KIF6: variants seen among roughly 807,000 people sequenced by gnomAD.
KIF6 encodes kinesin-like protein KIF6.
KIF6 carries 106 observed loss-of-function variants against 112.7 expected under a neutral mutation model. The observed-to-expected ratio is 0.94, with a 90% CI of 0.80 to 1.11. KIF6 has a LOEUF of 1.11. KIF6 is among the 50% of genes least tolerant of loss of function. KIF6 has a pLI of 0.00. For synonymous variants in KIF6, 339 were observed against 339.9 expected (o/e 1.00, Z 0.03); for missense variants, 929 against 964.0 (o/e 0.96, Z 0.48).
At chr6:39,453,566 T>TA (rs551272375) in intron 13 of KIF6, among the ~76,000 whole-genome samples, 1 of 152,164 alleles carries the variant, frequency 6.6e-6, no homozygotes, top group South Asian at 2.1e-4. Flanking sequence ...TCGTCCTTCA[T>TA]AAAAAAACAA....
intron 3 of KIF6, among the ~76,000 whole-genome samples, chr6:39,662,098 G>C (rs1786184579): frequency 6.6e-6 from 1 of 152,034 alleles, no homozygotes; most frequent in South Asian, 2.1e-4. Context: ...CATTCTAGTT[G>C]TTTTATTTAA....
intron 3 of KIF6, among the ~76,000 whole-genome samples, chr6:39,654,989 C>G (rs1259706913): frequency 6.6e-6 from 1 of 152,170 alleles, no homozygotes; most frequent in Non-Finnish European, 1.5e-5. Context: ...TACCATTTCT[C>G]TATAGTAGGT....
rs763131119 is a variant in KIF6, at chr6:39,504,346, C to T, written c.1645+35657G>A. On this transcript the variant is annotated intron_variant, in intron 13 of 22. Transcript: ENST00000287152. ...AACTCTCAATAAACTATGTATTGAACCTCAAAATAATAAGAGCCATATATG... is the reference window on the plus strand; with the variant it reads ...AACTCTCAATAAACTATGTATTGAATCTCAAAATAATAAGAGCCATATATG... Among the ~76,000 whole-genome samples the T allele has an allele frequency of 9.9e-4, 148 of 149,662 alleles. 4 individuals carry two copies. The highest frequency in any genetic ancestry group is 3.8e-3 in the Admixed American group (57 of 15,052).
intron 15 of KIF6, among the ~76,000 whole-genome samples, chr6:39,387,670 C>T (rs1049333806): frequency 4.6e-5 from 7 of 152,170 alleles, no homozygotes; most frequent in African/African-American, 1.7e-4. Flanking sequence ...GAGCCAGCCA[C>T]AGCCCCAAAT....
rs529718724 is a variant in KIF6 at position 39,657,081 on chromosome 6, A to G, written c.252-17324T>C. On this transcript the variant is annotated intron_variant, in intron 3 of 22. Coordinates refer to ENST00000287152, the MANE Select transcript of KIF6 (RefSeq NM_145027.6). ...CCCCGTCTCTACTAAAAATACAAAA[A>G]AATTTGCCAGGCCTGGTGGTGCGTG... is the stretch of plus-strand genomic sequence containing the variant. 1.1e-4 allele frequency among the ~76,000 whole-genome samples: 17 copies of G among 151,924 alleles called. No homozygotes were observed. In the East Asian group the frequency reaches 2.9e-3, roughly 26 times the overall value.
chr6:39,426,449 T>A (rs1483179684), intron 14 of KIF6, among the ~76,000 whole-genome samples: 2 of 152,134 alleles, frequency 1.3e-5, no homozygotes, highest in African/African-American at 4.8e-5. Flanking sequence ...AAGAAAAACC[T>A]TTCTATTAAG....
intron 13 of KIF6, among the ~76,000 whole-genome samples, chr6:39,500,444 T>C (rs147317691): frequency 2.0e-5 from 3 of 152,292 alleles, no homozygotes; most frequent in Non-Finnish European, 4.4e-5. Flanking sequence ...ACTGCAGATA[T>C]CACTCATTGA....
rs955089569 is a variant in KIF6 at position 39,333,041 on chromosome 6, T to C, written c.*3491A>G. Reference sequence around the variant, plus strand: ...ATCAATCATACCCTATATTGCTTGTTATCCAATGGCTGAAAACCATTGGTT... The same window carrying C: ...ATCAATCATACCCTATATTGCTTGTCATCCAATGGCTGAAAACCATTGGTT... On this transcript the variant is annotated 3_prime_UTR_variant, in exon 23 of 23. Transcript: ENST00000287152. The C allele has an allele frequency of 1.3e-5, 2 of 152,278 alleles. No individual in the cohort carries two copies. The highest frequency in any genetic ancestry group is 2.4e-5 in the African/African-American group (1 of 41,482). 9.4% of individuals were successfully genotyped at this position (152,278 alleles called of 1,614,324 possible).
intron 11 of KIF6, among the ~76,000 whole-genome samples, chr6:39,545,096 T>A (rs11754808): frequency 0.23 from 35,664 of 152,130 alleles, 5,149 homozygotes; most frequent in African/African-American, 0.39. Flanking sequence ...AACTTTGTCT[T>A]ATCTATACCT....
chr6:39,498,845 C>T (rs1408125378), intron 13 of KIF6, among the ~76,000 whole-genome samples: 1 of 152,114 alleles, frequency 6.6e-6, no homozygotes, highest in Non-Finnish European at 1.5e-5. Flanking sequence ...AGCGTACTTA[C>T]TGAAAGTGAA....
intron 7 of KIF6, among the ~76,000 whole-genome samples, chr6:39,593,849 C>T (rs772716154): frequency 8.5e-5 from 13 of 152,178 alleles, no homozygotes; most frequent in Non-Finnish European, 1.6e-4. Flanking sequence ...GTCAGATACC[C>T]TGCTACAAGC....
chr6:39,568,901 T>C (rs1780481648), intron 10 of KIF6, among the ~76,000 whole-genome samples: 1 of 152,174 alleles, frequency 6.6e-6, no homozygotes, highest in Non-Finnish European at 1.5e-5. Flanking sequence ...AGTTCAGTCA[T>C]GTTTCAAACA....
At chr6:39,602,911 A>C (rs1782655405) in intron 6 of KIF6, among the ~76,000 whole-genome samples, 1 of 152,174 alleles carries the variant, frequency 6.6e-6, no homozygotes, top group South Asian at 2.1e-4. Flanking sequence ...AACTATCCCC[A>C]ATTGGCATTA....
intron 13 of KIF6, among the ~76,000 whole-genome samples, chr6:39,472,812 T>C (rs2150442626): frequency 6.6e-6 from 1 of 152,134 alleles, no homozygotes. Context: ...TTGATGCAAC[T>C]ACAGTGTTAA....
At chr6:39,442,890 G>A (rs989693011) in intron 13 of KIF6, among the ~76,000 whole-genome samples, 2 of 151,978 alleles carry the variant, frequency 1.3e-5, no homozygotes, top group African/African-American at 4.8e-5. Flanking sequence ...GAGGTGGGCG[G>A]ATCATGAGGT....
At chr6:39,698,534 A>C (rs141443736) in intron 3 of KIF6, among the ~76,000 whole-genome samples, 36 of 152,338 alleles carry the variant, frequency 2.4e-4, no homozygotes, top group African/African-American at 8.7e-4. Context: ...CCATAGATGA[A>C]GAATATTTTA....
intron 13 of KIF6, among the ~76,000 whole-genome samples, chr6:39,458,219 AC>A (rs1310374798): frequency 8.1e-5 from 12 of 149,002 alleles, no homozygotes; most frequent in Non-Finnish European, 1.5e-4. Flanking sequence ...GGTTCAATAT[AC>A]GCAAATCAAT....
chr6:39,476,067 G>A, intron 13 of KIF6, among the ~76,000 whole-genome samples: 1 of 152,196 alleles, frequency 6.6e-6, no homozygotes, highest in Admixed American at 6.5e-5. Context: ...GGAAGGAAGA[G>A]CATCAGTATA....
intron 9 of KIF6, among the ~76,000 whole-genome samples, chr6:39,581,161 CTTTTTTTTTTTTT>C (rs60321520): frequency 1.3e-5 from 1 of 78,706 alleles, no homozygotes; most frequent in South Asian, 4.8e-4. Flanking sequence ...GCTTTACTTT[CTTTTTTTTTTTTT>C]TTTTTTTTTT....
Sources: allele counts gnomAD v4.1 joint callset (sites outside exome capture counted in the v4.1 genomes callset), GRCh38; gene constraint gnomAD v4.1.1; transcripts MANE v1.5; gene names NCBI Gene and HGNC (gene_info 2026-07-23, HGNC 2026-07-21).